Variants in ARHGAP25 observed in about 807,000 individuals in gnomAD.
ARHGAP25 encodes the protein Rho GTPase activating protein 25.
Under a neutral mutation model 71.0 loss-of-function variants are expected in ARHGAP25, and 34 were observed. The observed-to-expected ratio is 0.48, with a 90% confidence interval of 0.36 to 0.64. The LOEUF is 0.64. Ranked by LOEUF, ARHGAP25 falls within the 30% of genes least tolerant of loss-of-function variation. The pLI, the probability that ARHGAP25 is intolerant of heterozygous loss-of-function variation, is 0.00. For missense variants in ARHGAP25, 706 were observed against 805.1 expected (o/e 0.88, Z 1.49); for synonymous variants, 282 against 296.5 (o/e 0.95, Z 0.50).
At chr2:68,749,256 G>C (rs1422208380) in intron 1 of ARHGAP25, among the ~76,000 whole-genome samples, 1 of 152,078 alleles carries the variant, frequency 6.6e-6, no homozygotes, top group Non-Finnish European at 1.5e-5. Flanking sequence ...AATGATTTTT[G>C]AACAAGGGGC....
intron 4 of ARHGAP25, among the ~76,000 whole-genome samples, chr2:68,797,097 A>T (rs945455694): frequency 6.6e-5 from 10 of 152,120 alleles, no homozygotes; most frequent in Non-Finnish European, 1.3e-4. Context: ...GGGTTGTGGA[A>T]CACCCAGGAG....
chr2:68,794,094 C>A (rs6546437), intron 4 of ARHGAP25, among the ~76,000 whole-genome samples: 1 of 151,880 alleles, frequency 6.6e-6, no homozygotes, highest in East Asian at 1.9e-4. Flanking sequence ...TATAGAAATG[C>A]TACTGATTTT....
In ARHGAP25 at chr2:68,720,028, T is replaced by C. The variant is rs151068382; in HGVS notation, c.-18+9330T>C. ...TTTCCTTTTGAAAAGGAATCTTTAA[T>C]GTTACATGAAGACCAAATTGATGGT... On this transcript the variant is annotated intron_variant and NMD_transcript_variant, in intron 2 of 7. Coordinates refer to the ARHGAP25 transcript ENST00000463483. 2.4e-3 allele frequency among the ~76,000 whole-genome samples: 364 copies of C among 152,292 alleles called. 1 individual carries two copies. The highest frequency in any genetic ancestry group is 8.5e-3 in the African/African-American group (355 of 41,576).
chr2:68,744,025 G>A lies in ARHGAP25; in HGVS notation c.61+8765G>A, dbSNP rs560630660. Reference sequence around the variant, plus strand: ...TTATTCTTTCTTTTTAGTACTCATGGTTAGAAATCCTTCCAAATTCATTTT... The same window carrying A: ...TTATTCTTTCTTTTTAGTACTCATGATTAGAAATCCTTCCAAATTCATTTT... On this transcript the variant is annotated intron_variant, in intron 1 of 10. Transcript: ENST00000409202. Among the ~76,000 whole-genome samples the A allele has an allele frequency of 2.6e-5, 4 of 151,914 alleles. No homozygotes were observed. The East Asian group carries it at 5.8e-4, about 22-fold the overall frequency.
At chr2:68,735,551 GC>G in intron 1 of ARHGAP25, 1 of 500,694 alleles carries the variant, frequency 2.0e-6, no homozygotes, top group South Asian at 2.6e-5. Flanking sequence ...TGAGTTTTTA[GC>G]ATATTCCATT....
intron 3 of ARHGAP25, among the ~76,000 whole-genome samples, chr2:68,787,249 TAAAG>T (rs749881464): frequency 1.3e-5 from 2 of 152,220 alleles, no homozygotes; most frequent in South Asian, 4.1e-4. Context: ...GTGAAAATGG[TAAAG>T]AAAGTTCTAA....
chr2:68,727,860 C>A (rs2104265206), intron 2 of ARHGAP25, among the ~76,000 whole-genome samples: 1 of 152,348 alleles, frequency 6.6e-6, no homozygotes, highest in East Asian at 1.9e-4. Context: ...AGGGAGAGAT[C>A]TGGTGACAAG....
intron 2 of ARHGAP25, among the ~76,000 whole-genome samples, chr2:68,718,146 T>TA (rs4071640): frequency 0.23 from 33,754 of 144,656 alleles, 4,005 homozygotes; most frequent in East Asian, 0.39. Context: ...GCAGATTTGT[T>TA]AAAAAAAAAA....
intron 8 of ARHGAP25, among the ~76,000 whole-genome samples, chr2:68,818,896 G>T (rs1681428600): frequency 6.6e-6 from 1 of 152,230 alleles, no homozygotes; most frequent in Non-Finnish European, 1.5e-5. Flanking sequence ...GGCTCCCTCT[G>T]AAACAGCTCC....
chr2:68,826,023 G>C lies in ARHGAP25; in HGVS notation c.1770G>C (p.Val590=), dbSNP rs767351481. ...EKENYDVWAK[V]VRLNEELEKE... ...AAAATTATGACGTTTGGGCTAAAGT[G>C]GTGAGGCTCAATGAAGAACTGGAGA... is the stretch of plus-strand genomic sequence containing the variant. Residue 590 remains valine (V), a synonymous_variant, in exon 11 of 11, where the codon GTG becomes GTC. Transcript: ENST00000409202. 6.2e-7 allele frequency: 1 copy of C among 1,613,990 alleles called. No individual in the cohort carries two copies. Among genetic ancestry groups the C allele is most frequent in the Admixed American group, 1.7e-5 (1 of 60,016 alleles).
At chr2:68,722,340 G>A (rs1337848406) in intron 2 of ARHGAP25, among the ~76,000 whole-genome samples, 3 of 152,174 alleles carry the variant, frequency 2.0e-5, no homozygotes, top group African/African-American at 4.8e-5. Context: ...CACTTTGGGA[G>A]GCCAAGGCAG....
chr2:68,803,808 C>A (rs984986004), intron 4 of ARHGAP25, among the ~76,000 whole-genome samples: 19 of 151,764 alleles, frequency 1.3e-4, no homozygotes, highest in Non-Finnish European at 1.5e-5. Flanking sequence ...TCGTAACCCT[C>A]CATTTGATAA....
At chr2:68,783,936 T>C (rs1465829662) in intron 3 of ARHGAP25, among the ~76,000 whole-genome samples, 1 of 152,214 alleles carries the variant, frequency 6.6e-6, no homozygotes, top group Non-Finnish European at 1.5e-5. Context: ...CAACCATCCA[T>C]GGTAACATGT....
intron 1 of ARHGAP25, among the ~76,000 whole-genome samples, chr2:68,761,167 G>C (rs991394427): frequency 2.6e-5 from 4 of 151,960 alleles, no homozygotes; most frequent in African/African-American, 9.7e-5. Context: ...AATGATGCTA[G>C]GAAAACTGGA....
At chr2:68,824,946 G>A (rs140493109) in intron 10 of ARHGAP25, among the ~76,000 whole-genome samples, 1 of 152,150 alleles carries the variant, frequency 6.6e-6, no homozygotes, top group Non-Finnish European at 1.5e-5. Flanking sequence ...GAGAAGGGAG[G>A]CACACTCTAC....
chr2:68,778,180 A>G (rs1234752771), intron 2 of ARHGAP25, among the ~76,000 whole-genome samples: 1 of 152,220 alleles, frequency 6.6e-6, no homozygotes, highest in African/African-American at 2.4e-5. Flanking sequence ...TATGACAACA[A>G]TGCCCAGTGG....
At chr2:68,740,995 A>G (rs1466624470) in intron 1 of ARHGAP25, among the ~76,000 whole-genome samples, 1 of 152,250 alleles carries the variant, frequency 6.6e-6, no homozygotes, top group African/African-American at 2.4e-5. Flanking sequence ...CTTAGCTTCT[A>G]CAAATGAGAG....
At chr2:68,713,977 T>C (rs914504836) in intron 2 of ARHGAP25, among the ~76,000 whole-genome samples, 25 of 152,250 alleles carry the variant, frequency 1.6e-4, no homozygotes, top group African/African-American at 6.0e-4. Context: ...CAGGTTTTGG[T>C]ATCAGGATGA....
intron 1 of ARHGAP25, among the ~76,000 whole-genome samples, chr2:68,741,907 C>T (rs1675539316): frequency 1.3e-5 from 2 of 152,208 alleles, no homozygotes; most frequent in African/African-American, 4.8e-5. Context: ...TTCATGCACT[C>T]ATTGAGTCAC....
Sources: allele counts gnomAD v4.1 joint callset (sites outside exome capture counted in the v4.1 genomes callset), GRCh38; gene constraint gnomAD v4.1.1; transcripts MANE v1.5; gene names NCBI Gene and HGNC (gene_info 2026-07-23, HGNC 2026-07-21).